CACNB2: variants seen among roughly 807,000 people sequenced by gnomAD.
The protein encoded by CACNB2 is voltage-dependent L-type calcium channel subunit beta-2.
Under a neutral mutation model 73.3 loss-of-function variants are expected in CACNB2, and 42 were observed. The ratio of observed to expected loss-of-function variants is 0.57; its 90% CI spans 0.45 to 0.74. CACNB2 has a LOEUF of 0.74. CACNB2 is among the 30% of genes least tolerant of loss of function. The probability of loss-of-function intolerance (pLI) is 0.00; values close to 1 mark genes in which losing one functional copy is unlikely to be tolerated. For missense variants in CACNB2, 940 were observed against 853.0 expected, an observed-to-expected ratio of 1.10 and a Z score of -1.27; for synonymous variants, 348 against 310.3, an observed-to-expected ratio of 1.12 and a Z score of -1.28.
At chr10:18,156,441 C>T (rs967621066) in intron 2 of CACNB2, among the ~76,000 whole-genome samples, 6 of 152,146 alleles carry the variant, frequency 3.9e-5, no homozygotes, top group Non-Finnish European at 8.8e-5. Flanking sequence ...AATGACATGC[C>T]CCATGAAGTT....
intron 2 of CACNB2, among the ~76,000 whole-genome samples, chr10:18,345,900 G>C (rs954972529): frequency 3.9e-5 from 6 of 152,138 alleles, no homozygotes; most frequent in Non-Finnish European, 8.8e-5. Context: ...CGGAGAATAA[G>C]GAAAAGGTCA....
chr10:18,526,163 A>G (rs2052450592), intron 9 of CACNB2, among the ~76,000 whole-genome samples: 1 of 152,010 alleles, frequency 6.6e-6, no homozygotes, highest in Non-Finnish European at 1.5e-5. Context: ...TACACAGGAA[A>G]CCTCCAATAT....
chr10:18,333,883 C>G (rs1302351121), intron 2 of CACNB2, among the ~76,000 whole-genome samples: 1 of 151,666 alleles, frequency 6.6e-6, no homozygotes, highest in Non-Finnish European at 1.5e-5. Flanking sequence ...TTTTTGTCGT[C>G]TCCTGGCAAC....
intron 2 of CACNB2, among the ~76,000 whole-genome samples, chr10:18,354,691 C>A (rs1455937787): frequency 6.6e-6 from 1 of 152,074 alleles, no homozygotes; most frequent in Non-Finnish European, 1.5e-5. Context: ...ACCCAGCAGG[C>A]CCAACAACAG....
At chr10:18,294,149 C>T (rs528388655) in intron 2 of CACNB2, among the ~76,000 whole-genome samples, 4 of 152,324 alleles carry the variant, frequency 2.6e-5, no homozygotes, top group South Asian at 2.1e-4. Context: ...CCCTCGGGCA[C>T]GTTTCCGAGA....
intron 2 of CACNB2, among the ~76,000 whole-genome samples, chr10:18,355,460 T>A (rs1310872270): frequency 6.6e-6 from 1 of 152,092 alleles, no homozygotes; most frequent in Non-Finnish European, 1.5e-5. Flanking sequence ...GTTCTCAGGA[T>A]CATGAATGAT....
At chr10:18,313,830 C>G (rs184841026) in intron 2 of CACNB2, among the ~76,000 whole-genome samples, 1 of 152,296 alleles carries the variant, frequency 6.6e-6, no homozygotes, top group East Asian at 1.9e-4. Context: ...TAGCGAAAAA[C>G]ATTGTATTCT....
intron 3 of CACNB2, among the ~76,000 whole-genome samples, chr10:18,448,479 T>TAAAAAAAAAA (rs56255761): frequency 2.8e-5 from 3 of 107,074 alleles, no homozygotes; most frequent in Middle Eastern, 5.4e-3. Flanking sequence ...CTCTCTCATT[T>TAAAAAAAAAA]AAAAAAAAAA....
At chr10:18,365,243 T>C (rs78908666) in intron 2 of CACNB2, among the ~76,000 whole-genome samples, 2,092 of 152,322 alleles carry the variant, frequency 0.014, 83 homozygotes, top group Admixed American at 0.071. Context: ...TAGTTTGTTT[T>C]CAGCATGCAA....
At chr10:18,261,312 T>A (rs1456639502) in intron 2 of CACNB2, 1 of 1,551,560 alleles carries the variant, frequency 6.4e-7, no homozygotes, top group Non-Finnish European at 8.7e-7. Flanking sequence ...AGTACGGGTG[T>A]CCTATGTAAG....
At position 18,300,836 on chromosome 10, in the gene CACNB2, G is replaced by A. The variant is rs141165803; in HGVS notation, c.214-101088G>A. ...TGCACTCCAGCCTGGGTAACAGAGC[G>A]AGATTCCATCTCAAAAAAATAAAAA... On this transcript the variant is annotated intron_variant, in intron 2 of 13. Transcript: ENST00000324631. Among the ~76,000 whole-genome samples the A allele has an allele frequency of 3.6e-3, 532 of 148,918 alleles. 4 individuals carry two copies. The highest frequency in any genetic ancestry group is 0.012 in the African/African-American group (498 of 40,602).
intron 3 of CACNB2, among the ~76,000 whole-genome samples, chr10:18,494,073 C>T (rs1006873495): frequency 2.0e-5 from 3 of 152,152 alleles, no homozygotes; most frequent in African/African-American, 7.2e-5. Flanking sequence ...GAGGCACGTT[C>T]CAACTTAACA....
At chr10:18,168,573 G>T (rs2033026198) in intron 2 of CACNB2, among the ~76,000 whole-genome samples, 1 of 151,800 alleles carries the variant, frequency 6.6e-6, no homozygotes, top group Admixed American at 6.6e-5. Context: ...GCTAAATTTT[G>T]AATATATGAA....
At chr10:18,190,651 C>A (rs1405796407) in intron 2 of CACNB2, among the ~76,000 whole-genome samples, 1 of 152,144 alleles carries the variant, frequency 6.6e-6, no homozygotes, top group East Asian at 1.9e-4. Flanking sequence ...TTCTTCCAGA[C>A]TTTTGGGATG....
chr10:18,340,876 T>C (rs758833396), intron 2 of CACNB2: 4 of 1,614,124 alleles, frequency 2.5e-6, no homozygotes, highest in South Asian at 2.2e-5. Flanking sequence ...TTCTTGCTCC[T>C]GTGAAGAAAA....
rs532309019 is a variant in CACNB2 at position 18,365,779 on chromosome 10, A to G, written c.214-36145A>G. ...CTCCATTATTCCTTATTTGGAGAAC[A>G]GTATAGTATTAACCATTCATTGATT... is the stretch of plus-strand genomic sequence containing the variant. On this transcript the variant is annotated intron_variant, in intron 2 of 13. Coordinates refer to ENST00000324631, the MANE Select transcript of CACNB2 (RefSeq NM_201596.3). Among the ~76,000 whole-genome samples the G allele has an allele frequency of 2.0e-5, 3 of 151,220 alleles. No homozygotes were observed. In the South Asian group the frequency reaches 6.3e-4, roughly 32 times the overall value.
chr10:18,396,836 C>T (rs1570940), intron 2 of CACNB2, among the ~76,000 whole-genome samples: 31,400 of 152,130 alleles, frequency 0.21, 3,601 homozygotes, highest in East Asian at 0.52. Context: ...ATTGGGTCAG[C>T]ATCGTCCTAT....
At chr10:18,483,314 T>G (rs2048885484) in intron 3 of CACNB2, among the ~76,000 whole-genome samples, 1 of 151,744 alleles carries the variant, frequency 6.6e-6, no homozygotes, top group Non-Finnish European at 1.5e-5. Context: ...GTGGATCACC[T>G]GAGGTCAGGA....
intron 3 of CACNB2, among the ~76,000 whole-genome samples, chr10:18,404,240 GA>G (rs1224845034): frequency 2.0e-5 from 3 of 152,202 alleles, no homozygotes; most frequent in Non-Finnish European, 2.9e-5. Context: ...TGTCTCAAAA[GA>G]AGATACAAAG....
Sources: gnomAD v4.1 joint callset for allele counts (sites outside exome capture counted in the v4.1 genomes callset) on GRCh38, gnomAD v4.1.1 for gene constraint, MANE v1.5 for transcripts, NCBI Gene and HGNC (gene_info 2026-07-23, HGNC 2026-07-21) for gene names.